The following ZNF804B variants were observed in gnomAD, a reference collection of about 807,000 sequenced individuals.
The protein encoded by ZNF804B is zinc finger 804B.
A neutral mutation model predicts 101.4 loss-of-function variants in ZNF804B; 80 were observed. The ratio of observed to expected loss-of-function variants is 0.79; its 90% CI spans 0.66 to 0.95. The LOEUF (loss-of-function observed/expected upper bound fraction) is 0.95, where lower values mean the gene tolerates loss of function less well. Ranked by LOEUF, ZNF804B falls within the 40% of genes least tolerant of loss-of-function variation. ZNF804B has a pLI of 0.00. For synonymous variants in ZNF804B, 622 were observed against 558.8 expected, an observed-to-expected ratio of 1.11 and a Z score of -1.59; for missense variants, 1,673 against 1,561.9, an observed-to-expected ratio of 1.07 and a Z score of -1.20.
intron 2 of ZNF804B, among the ~76,000 whole-genome samples, chr7:89,325,127 C>T (rs1310286491): frequency 6.6e-6 from 1 of 151,822 alleles, no homozygotes; most frequent in African/African-American, 2.4e-5. Context: ...TTTTCCTAAA[C>T]TGGAACAGTT....
At chr7:88,991,898 G>A (rs1793853031) in intron 1 of ZNF804B, among the ~76,000 whole-genome samples, 1 of 152,150 alleles carries the variant, frequency 6.6e-6, no homozygotes, top group Non-Finnish European at 1.5e-5. Context: ...TGAACACACA[G>A]AATCTCTTGA....
chr7:88,870,257 C>T lies in ZNF804B; in HGVS notation c.108+110173C>T, dbSNP rs917531207. On this transcript the variant is annotated intron_variant, in intron 1 of 3. Transcript: ENST00000333190. ...AAAATTAGCCGGGCATGGTGGCGCG[C>T]GCCTGTAGTCCCAGCTACACGGGAG... 1.3e-4 allele frequency among the ~76,000 whole-genome samples: 20 copies of T among 150,666 alleles called. 1 individual carries two copies. The highest frequency in any genetic ancestry group is 4.0e-4 in the Admixed American group (6 of 15,098).
rs376727883 is a variant in ZNF804B at position 88,900,289 on chromosome 7, C to T, written c.108+140205C>T. Among the ~76,000 whole-genome samples, 8 of 151,674 alleles carry T rather than the reference C, an allele frequency of 5.3e-5. No individual in the cohort carries two copies. The East Asian group carries it at 7.8e-4, about 15-fold the overall frequency. ...TCTAGGATTTTTAAAAATTGGCAAT[C>T]GTTACACATGATGAACTATTCAGAC... On this transcript the variant is annotated intron_variant, in intron 1 of 3. Coordinates refer to ENST00000333190, the MANE Select transcript of ZNF804B (RefSeq NM_181646.5).
intron 1 of ZNF804B, among the ~76,000 whole-genome samples, chr7:88,983,611 T>A (rs1793721463): frequency 6.6e-6 from 1 of 152,080 alleles, no homozygotes; most frequent in Non-Finnish European, 1.5e-5. Context: ...AAAAAGACAG[T>A]ATGACAAGGC....
intron 1 of ZNF804B, among the ~76,000 whole-genome samples, chr7:88,891,994 G>A (rs937983065): frequency 5.3e-5 from 8 of 151,884 alleles, no homozygotes; most frequent in Non-Finnish European, 7.4e-5. Flanking sequence ...ATATTTTCAT[G>A]TGCAAATTTA....
chr7:88,963,617 G>T (rs10480566), intron 1 of ZNF804B, among the ~76,000 whole-genome samples: 10,945 of 151,314 alleles, frequency 0.072, 532 homozygotes, highest in East Asian at 0.17. Flanking sequence ...GCATTTGCCT[G>T]TTATTTCTTT....
At position 88,878,056 on chromosome 7, in the gene ZNF804B, T is replaced by G. The variant is rs1388311362; in HGVS notation, c.108+117972T>G. Among the ~76,000 whole-genome samples, 7 of 152,340 alleles carry G rather than the reference T, an allele frequency of 4.6e-5. No individual in the cohort carries two copies. In the South Asian group the frequency reaches 1.2e-3, roughly 27 times the overall value. ...GCCATTGCAAGTAAAATTTTGGGAT[T>G]AAGTATACTGTTAAATTAGTCAATA... is the stretch of plus-strand genomic sequence containing the variant. On this transcript the variant is annotated intron_variant, in intron 1 of 3. Coordinates refer to ENST00000333190, the MANE Select transcript of ZNF804B (RefSeq NM_181646.5).
chr7:88,898,073 C>CTTTTTTTTTTTTT (rs869050718), intron 1 of ZNF804B, among the ~76,000 whole-genome samples: 2 of 56,572 alleles, frequency 3.5e-5, no homozygotes, highest in African/African-American at 8.4e-5. Flanking sequence ...ACTTCTCCAT[C>CTTTTTTTTTTTTT]TTTTTTTTTT....
chr7:88,828,416 G>A (rs1431753435), intron 1 of ZNF804B, among the ~76,000 whole-genome samples: 1 of 151,974 alleles, frequency 6.6e-6, no homozygotes, highest in East Asian at 1.9e-4. Flanking sequence ...AAGAGTCCTT[G>A]ACATGTTCAT....
chr7:88,868,302 C>A (rs928202256), intron 1 of ZNF804B, among the ~76,000 whole-genome samples: 1 of 152,066 alleles, frequency 6.6e-6, no homozygotes, highest in African/African-American at 2.4e-5. Context: ...GCTCATTGAA[C>A]AGCTCATGAA....
At position 89,220,163 on chromosome 7, in the gene ZNF804B, GCACA is replaced by G. The variant is rs1788981922; in HGVS notation, c.249+1869_249+1872del. 1.4e-4 allele frequency among the ~76,000 whole-genome samples: 6 copies of G among 42,996 alleles called. 1 individual carries two copies. The highest frequency in any genetic ancestry group is 1.4e-3 in the South Asian group (2 of 1,428). 28.2% of individuals were successfully genotyped at this position (42,996 alleles called of 152,430 possible). ...TGTGTGTATATACATATATATATAC[GCACA>G]TATATATGTGTGTATATATATATAT... On this transcript the variant is annotated intron_variant, in intron 2 of 3. Transcript: ENST00000333190.
At chr7:89,145,687 T>C (rs180935318) in intron 1 of ZNF804B, among the ~76,000 whole-genome samples, 126 of 152,146 alleles carry the variant, frequency 8.3e-4, no homozygotes, top group African/African-American at 2.9e-3. Flanking sequence ...AACATATACT[T>C]ATTTCCCACT....
intron 1 of ZNF804B, among the ~76,000 whole-genome samples, chr7:88,950,610 G>A (rs982522865): frequency 6.6e-6 from 1 of 151,772 alleles, no homozygotes; most frequent in African/African-American, 2.4e-5. Context: ...TATACAAACA[G>A]AAGTTCAGTC....
chr7:88,974,324 A>G (rs948745817), intron 1 of ZNF804B, among the ~76,000 whole-genome samples: 14 of 151,502 alleles, frequency 9.2e-5, no homozygotes, highest in African/African-American at 3.1e-4. Flanking sequence ...CATGTTGACT[A>G]CAGTTGACAA....
chr7:89,206,593 A>T (rs1195888361), intron 1 of ZNF804B, among the ~76,000 whole-genome samples: 1 of 152,094 alleles, frequency 6.6e-6, no homozygotes, highest in Non-Finnish European at 1.5e-5. Context: ...CTCTACTAAA[A>T]ATACAAAAAT....
chr7:88,892,832 T>G (rs1423560721), intron 1 of ZNF804B, among the ~76,000 whole-genome samples: 1 of 152,164 alleles, frequency 6.6e-6, no homozygotes, highest in Non-Finnish European at 1.5e-5. Context: ...CAATTTCAGA[T>G]TTGAAATTTC....
chr7:88,828,780 A>C (rs1193917719), intron 1 of ZNF804B, among the ~76,000 whole-genome samples: 1 of 152,102 alleles, frequency 6.6e-6, no homozygotes, highest in Non-Finnish European at 1.5e-5. Context: ...TCATTCTGAC[A>C]TTTGCTTTGA....
chr7:88,878,379 T>G (rs1341541614), intron 1 of ZNF804B, among the ~76,000 whole-genome samples: 2 of 152,152 alleles, frequency 1.3e-5, no homozygotes, highest in Non-Finnish European at 2.9e-5. Flanking sequence ...TGAGGCCTTG[T>G]CTTGCAACTT....
At chr7:89,062,367 C>A (rs999569064) in intron 1 of ZNF804B, among the ~76,000 whole-genome samples, 5 of 152,032 alleles carry the variant, frequency 3.3e-5, no homozygotes, top group Admixed American at 2.0e-4. Context: ...CCATTTTTAC[C>A]ACTCCCAAAC....
Sources: allele counts gnomAD v4.1 joint callset (sites outside exome capture counted in the v4.1 genomes callset), GRCh38; gene constraint gnomAD v4.1.1; transcripts MANE v1.5; gene names NCBI Gene and HGNC (gene_info 2026-07-23, HGNC 2026-07-21).